SPATA21: variants seen among roughly 807,000 people sequenced by gnomAD.
The protein encoded by SPATA21 is spermatogenesis associated 21.
A neutral mutation model predicts 54.8 loss-of-function variants in SPATA21; 47 were observed. The observed-to-expected ratio is 0.86, with a 90% CI of 0.68 to 1.09. The LOEUF is 1.09. SPATA21 is among the 50% of genes least tolerant of loss of function. The pLI is 0.00. For missense variants in SPATA21, 599 were observed against 596.4 expected (o/e 1.00, Z -0.05); for synonymous variants, 245 against 235.3 (o/e 1.04, Z -0.38).
intron 11 of SPATA21, 34 bp from the exon 12 acceptor site, chr1:16,399,555 C>G: frequency 6.3e-7 from 1 of 1,598,838 alleles, no homozygotes; most frequent in Non-Finnish European, 8.5e-7. Context: ...AGGAATGCTT[C>G]ACAGCATGCC....
In SPATA21 at chr1:16,428,538, C is replaced by T. The variant is rs867718639; in HGVS notation, c.34+2800G>A. Reference sequence around the variant, plus strand: ...CCGAGTAGGTGGGATTACAGGTGTGCGCCACCATGCCCAACTAATTTTTTT... The same window carrying T: ...CCGAGTAGGTGGGATTACAGGTGTGTGCCACCATGCCCAACTAATTTTTTT... On this transcript the variant is annotated intron_variant, in intron 3 of 12. Coordinates refer to ENST00000335496, the MANE Select transcript of SPATA21 (RefSeq NM_198546.1). The surrounding 1 kb of genome is among the most constrained non-coding windows in gnomAD (Gnocchi z 4.3). Among the ~76,000 whole-genome samples, 4 of 151,938 alleles carry T rather than the reference C, an allele frequency of 2.6e-5. No individual in the cohort carries two copies. Among genetic ancestry groups the T allele is most frequent in the Non-Finnish European group, 4.4e-5 (3 of 68,026 alleles).
At chr1:16,407,859 G>A (rs562018013) in intron 7 of SPATA21, among the ~76,000 whole-genome samples, 1 of 152,272 alleles carries the variant, frequency 6.6e-6, no homozygotes, top group African/African-American at 2.4e-5. Context: ...TCGAACTCCT[G>A]AGCTCAAGTG....
intron 3 of SPATA21, chr1:16,425,597 T>C: frequency 1.3e-6 from 2 of 1,550,228 alleles, no homozygotes; most frequent in Non-Finnish European, 1.7e-6. Context: ...CTTGATCTCC[T>C]TTCCGGAGCC....
intron 7 of SPATA21, 131 bp from the exon 8 acceptor site, chr1:16,405,235 C>T (rs895785879): frequency 1.5e-6 from 2 of 1,301,032 alleles, no homozygotes; most frequent in Admixed American, 6.0e-5. Context: ...GGTGCGTTGG[C>T]TCACACCTGT....
upstream of SPATA21, chr1:16,437,518 G>A (rs571057336): frequency 1.3e-5 from 2 of 152,210 alleles, no homozygotes; most frequent in Non-Finnish European, 2.9e-5. Context: ...AGCCTTCCCT[G>A]ACTCTCCCCA....
chr1:16,408,519 C>T (rs1456848838), intron 7 of SPATA21: 2 of 985,788 alleles, frequency 2.0e-6, no homozygotes, highest in Non-Finnish European at 2.4e-6. Flanking sequence ...TGCAGGGCAT[C>T]TGTCATTCTC....
In SPATA21 at chr1:16,409,273, T is replaced by C; in HGVS notation, c.588-70A>G. 5 of 1,563,456 alleles carry C rather than the reference T, an allele frequency of 3.2e-6. No homozygotes were observed. Among genetic ancestry groups the C allele is most frequent in the Non-Finnish European group, 3.5e-6 (4 of 1,141,100 alleles). On this transcript the variant is annotated intron_variant, in intron 6 of 12. Transcript: ENST00000335496. The surrounding 1 kb of genome is among the most constrained non-coding windows in gnomAD (Gnocchi z 4.1). ...ACCCTGCTGATAGCTAGGGGAGGGG[T>C]TGGGGGAGCCTGCAGGAGGAGGTCG...
chr1:16,402,524 G>T (rs2085486547), intron 10 of SPATA21, among the ~76,000 whole-genome samples: 1 of 151,376 alleles, frequency 6.6e-6, no homozygotes, highest in African/African-American at 2.4e-5. Context: ...GCCTCCCAAA[G>T]TGCTGGGATT....
At chr1:16,422,219 C>G (rs2086193282) in intron 3 of SPATA21, 2 of 1,414,872 alleles carry the variant, frequency 1.4e-6, no homozygotes, top group Non-Finnish European at 9.2e-7. Context: ...GACACCACGG[C>G]TGGGGAGCTC....
chr1:16,431,762 G>T (rs934324945), intron 2 of SPATA21, among the ~76,000 whole-genome samples: 1 of 152,166 alleles, frequency 6.6e-6, no homozygotes, highest in Non-Finnish European at 1.5e-5. Context: ...TTCCTACAGG[G>T]TATTCTTTGG....
chr1:16,404,331 G>C (rs947677677), intron 8 of SPATA21, among the ~76,000 whole-genome samples: 3 of 152,088 alleles, frequency 2.0e-5, no homozygotes, highest in Non-Finnish European at 4.4e-5. Context: ...TTAGCTAGGA[G>C]TGTTGGCACA....
Position 16,410,054 on chromosome 1 carries a change from G to A in SPATA21, c.145-11C>T. ...AATGTCCCTCACCTCCTGGGGACAGGGGAGGGGATCCAGGAGGCCTCTAGT... is the reference window on the plus strand; with the variant it reads ...AATGTCCCTCACCTCCTGGGGACAGAGGAGGGGATCCAGGAGGCCTCTAGT... On this transcript the variant is annotated splice_polypyrimidine_tract_variant and intron_variant, in intron 5 of 12. Transcript: ENST00000335496. The A allele has an allele frequency of 6.5e-7, 1 of 1,531,122 alleles. No homozygotes were observed. The highest frequency in any genetic ancestry group is 2.2e-5 in the Admixed American group (1 of 45,756). The allele number at this position is 1,531,122 out of a possible 1,614,324, so 94.8% of individuals were successfully genotyped here.
Position 16,409,083 on chromosome 1 carries a change from C to G in SPATA21, c.673+35G>C, listed in dbSNP as rs774708708. 1 of 1,610,924 alleles carries G rather than the reference C, an allele frequency of 6.2e-7. No individual in the cohort carries two copies. The highest frequency in any genetic ancestry group is 1.1e-5 in the South Asian group (1 of 91,020). ...AACCCCCAAGGACCAAGGGTCCTGCCTGTGCTGGGACCTCCCTGACCTCCC... is the reference window on the plus strand; with the variant it reads ...AACCCCCAAGGACCAAGGGTCCTGCGTGTGCTGGGACCTCCCTGACCTCCC... On this transcript the variant is annotated intron_variant, in intron 7 of 12. Transcript: ENST00000335496. The surrounding 1 kb of genome is among the most constrained non-coding windows in gnomAD (Gnocchi z 4.1).
chr1:16,434,088 T>C (rs933804805), intron 1 of SPATA21, among the ~76,000 whole-genome samples: 15 of 152,274 alleles, frequency 9.9e-5, no homozygotes, highest in African/African-American at 3.4e-4. Context: ...ACATTCCATA[T>C]AAATGGAATC....
chr1:16,396,525 AAG>A (rs780793593), downstream of SPATA21: 5 of 152,190 alleles, frequency 3.3e-5, no homozygotes, highest in Non-Finnish European at 5.9e-5. Context: ...GGAAGAGACT[AAG>A]AGGGCAGCTG....
chr1:16,412,782 TTTTCTTTC>T (rs766226393), intron 5 of SPATA21, among the ~76,000 whole-genome samples: 18 of 149,686 alleles, frequency 1.2e-4, no homozygotes, highest in Admixed American at 2.0e-4. Context: ...AACTTAACGA[TTTTCTTTC>T]TTTCTTTCTT....
intron 3 of SPATA21, among the ~76,000 whole-genome samples, chr1:16,426,730 GCCA>G (rs1382907133): frequency 6.6e-6 from 1 of 151,236 alleles, no homozygotes; most frequent in Non-Finnish European, 1.5e-5. Context: ...ACAGGCATGT[GCCA>G]CCATGCCCAG....
downstream of SPATA21, chr1:16,396,146 C>T (rs2085307946): frequency 6.6e-6 from 1 of 152,638 alleles, no homozygotes; most frequent in African/African-American, 2.4e-5. Flanking sequence ...GCCATCAGCA[C>T]AAGGAAAACC....
chr1:16,416,399 CG>C (rs1255059182), intron 5 of SPATA21, among the ~76,000 whole-genome samples: 1 of 151,704 alleles, frequency 6.6e-6, no homozygotes, highest in Non-Finnish European at 1.5e-5. Flanking sequence ...TGGTGGGGGC[CG>C]GGCACGGTGG....
Sources: gnomAD v4.1 joint callset for allele counts (sites outside exome capture counted in the v4.1 genomes callset) on GRCh38, gnomAD v4.1.1 for gene constraint, Gnocchi (gnomAD v3.1) non-coding constraint, MANE v1.5 for transcripts, NCBI Gene and HGNC (gene_info 2026-07-23, HGNC 2026-07-21) for gene names.